INPP5F: variants seen among roughly 807,000 people sequenced by gnomAD.
INPP5F encodes the protein phosphatidylinositide 4-phosphatase SAC2.
In INPP5F, 97 loss-of-function variants were observed where a neutral mutation model predicts 137.2. That is an observed-to-expected ratio of 0.71 (90% CI 0.60 to 0.84). INPP5F has a LOEUF of 0.84. Among genes scored for constraint, INPP5F ranks in the 40% least tolerant of loss-of-function variants. The pLI is 0.00. For missense variants in INPP5F, 1,271 were observed against 1,371.9 expected (o/e 0.93, Z 1.16); for synonymous variants, 504 against 476.9 (o/e 1.06, Z -0.74).
At chr10:119,772,599 T>G (rs775110990) in intron 2 of INPP5F, among the ~76,000 whole-genome samples, 2 of 152,226 alleles carry the variant, frequency 1.3e-5, no homozygotes, top group African/African-American at 4.8e-5. Context: ...CCGAAGGTCC[T>G]TCTGCTCTGA....
chr10:119,774,645 T>C (rs551566417), intron 2 of INPP5F, among the ~76,000 whole-genome samples: 1 of 152,222 alleles, frequency 6.6e-6, no homozygotes, highest in African/African-American at 2.4e-5. Context: ...TTGGAATTAG[T>C]CCCAGAAACT....
intron 6 of INPP5F, among the ~76,000 whole-genome samples, chr10:119,795,671 G>A (rs891398340): frequency 1.3e-5 from 2 of 152,112 alleles, no homozygotes; most frequent in African/African-American, 4.8e-5. Context: ...CTTCCCAGAC[G>A]GGGTGGCGGC....
Position 119,823,822 on chromosome 10 carries a change from T to C in INPP5F, c.2169T>C (p.Leu723=). 3 of 1,613,650 alleles carry C rather than the reference T, an allele frequency of 1.9e-6. No individual in the cohort carries two copies. Among genetic ancestry groups the C allele is most frequent in the Non-Finnish European group, 2.5e-6 (3 of 1,179,718 alleles). Residue 723 remains leucine, a synonymous_variant, in exon 19 of 20, where the codon CTT becomes CTC. Transcript: ENST00000650623. ...RNPEEDGKDT[L]QCIAEMLQIT... ...GTTATATTTGGGTTGCAGATACCCT[T>C]CAGTGCATTGCAGAGATGCTGCAGA...
chr10:119,737,087 C>A (rs555425198), intron 1 of INPP5F, among the ~76,000 whole-genome samples: 2 of 152,106 alleles, frequency 1.3e-5, no homozygotes, highest in South Asian at 2.1e-4. Flanking sequence ...TCTGGGCCCC[C>A]CAAAGTGCTG....
In INPP5F at chr10:119,811,897, C is replaced by T. The variant is rs747133364; in HGVS notation, c.1828C>T (p.Leu610=). 3 of 1,614,076 alleles carry T rather than the reference C, an allele frequency of 1.9e-6. No homozygotes were observed. The highest frequency in any genetic ancestry group is 2.5e-6 in the Non-Finnish European group (3 of 1,180,022). ...SQLLQSYMKL[L]LPDDEKFHGG... is the part of the protein sequence containing the mutation. ...GCTCTTACAAAGTTACATGAAGTTA[C>T]TACTGCCTGATGATGAGAAGTTCCA... Residue 610 remains leucine, a synonymous_variant, in exon 15 of 20, where the codon CTA becomes TTA. Transcript: ENST00000650623.
intron 19 of INPP5F, among the ~76,000 whole-genome samples, chr10:119,826,251 T>C (rs1258270865): frequency 6.6e-6 from 1 of 152,232 alleles, no homozygotes; most frequent in Non-Finnish European, 1.5e-5. Flanking sequence ...AGAATGCGAC[T>C]AGGCTGAATT....
Position 119,798,603 on chromosome 10 carries a change from A to G in INPP5F, c.1109A>G (p.Lys370Arg), listed in dbSNP as rs1487795617. ...AHFEEQLNIY[K>R]KQVIINLVDQ... The stretch of plus-strand genomic sequence containing the variant: ...TTCGAAGAACAACTGAACATTTACA[A>G]AAAACAGGTGGGCTTTGATTTACAG... The change falls in exon 9 of 20, where the codon AAA becomes AGA. Residue 370 changes from lysine to arginine, a missense_variant. Coordinates refer to ENST00000650623, the MANE Select transcript of INPP5F (RefSeq NM_014937.4). 3 of 1,610,316 alleles carry G rather than the reference A, an allele frequency of 1.9e-6. No individual in the cohort carries two copies. The highest frequency in any genetic ancestry group is 1.7e-5 in the Admixed American group (1 of 59,874).
At chr10:119,743,325 G>C (rs1418510625) in intron 1 of INPP5F, among the ~76,000 whole-genome samples, 1 of 152,152 alleles carries the variant, frequency 6.6e-6, no homozygotes, top group Non-Finnish European at 1.5e-5. Flanking sequence ...CCATGCACTG[G>C]GAACAGAAGC....
chr10:119,781,768 A>G lies in INPP5F; in HGVS notation c.312A>G (p.Leu104=). The G allele has an allele frequency of 1.3e-6, 2 of 1,595,616 alleles. No individual in the cohort carries two copies. The highest frequency in any genetic ancestry group is 1.7e-6 in the Non-Finnish European group (2 of 1,167,376). The part of the protein sequence containing the change: ...LSEMEPQDLE[L]ELCKKHHFGI... ...AAATGGAACCTCAGGATCTTGAGCTAGAGGTAGGTGAAATAAAGGGAAATT... is the reference window on the plus strand; with the variant it reads ...AAATGGAACCTCAGGATCTTGAGCTGGAGGTAGGTGAAATAAAGGGAAATT... The change falls in exon 3 of 20, where the codon CTA becomes CTG. Residue 104 remains leucine, a synonymous_variant. Transcript: ENST00000650623.
At chr10:119,729,669 C>T (rs891004759) in intron 1 of INPP5F, among the ~76,000 whole-genome samples, 13 of 151,528 alleles carry the variant, frequency 8.6e-5, no homozygotes, top group African/African-American at 1.9e-4. Context: ...CCCTACCTCC[C>T]GGCACCAAGC....
At chr10:119,772,775 G>T (rs1849404820) in intron 2 of INPP5F, among the ~76,000 whole-genome samples, 1 of 151,294 alleles carries the variant, frequency 6.6e-6, no homozygotes, top group Non-Finnish European at 1.5e-5. Context: ...ATGGAATCTC[G>T]CTCTGTAGCC....
At chr10:119,743,171 A>G (rs1369300780) in intron 1 of INPP5F, among the ~76,000 whole-genome samples, 1 of 152,160 alleles carries the variant, frequency 6.6e-6, no homozygotes, top group Non-Finnish European at 1.5e-5. Flanking sequence ...AATCCTTCCA[A>G]CTTGATTCTG....
intron 1 of INPP5F, among the ~76,000 whole-genome samples, chr10:119,743,685 C>T (rs560041779): frequency 6.2e-4 from 94 of 152,000 alleles, no homozygotes; most frequent in African/African-American, 2.1e-3. Flanking sequence ...AAGGACTAGC[C>T]TATGCAGGGT....
chr10:119,796,676 T>C, intron 6 of INPP5F, 39 bp from the exon 7 acceptor site: 1 of 1,484,386 alleles, frequency 6.7e-7, no homozygotes, highest in East Asian at 2.3e-5. Flanking sequence ...AGCAGTGCTG[T>C]ACAGAATAGA....
chr10:119,815,729 G>T, intron 15 of INPP5F: 1 of 224,156 alleles, frequency 4.5e-6, no homozygotes, highest in South Asian at 7.2e-5. Context: ...AAGAGGAGGA[G>T]GTAGAACACA....
rs1564830119 is a variant in INPP5F, at chr10:119,787,801, G to A, written c.316-3716G>A. Among the ~76,000 whole-genome samples, 1 of 152,168 alleles carries A rather than the reference G, an allele frequency of 6.6e-6. No homozygotes were observed. Among genetic ancestry groups the A allele is most frequent in the Non-Finnish European group, 1.5e-5 (1 of 68,026 alleles). On this transcript the variant is annotated intron_variant, in intron 3 of 19. Coordinates refer to ENST00000650623, the MANE Select transcript of INPP5F (RefSeq NM_014937.4). This position sits in a 1 kb window ranked among gnomAD's most constrained non-coding sequence, Gnocchi z 4.1. ...CAGGTGGGAATTTGGCCCCTACACAGTAAAGAGGACTAACAGGGCTTCATG... is the reference window on the plus strand; with the variant it reads ...CAGGTGGGAATTTGGCCCCTACACAATAAAGAGGACTAACAGGGCTTCATG...
At position 119,792,187 on chromosome 10, in the gene INPP5F, A is replaced by C. The variant is rs1589719452; in HGVS notation, c.643A>C (p.Met215Leu). Residue 215 changes from methionine to leucine, a missense_variant, in exon 6 of 20, where the codon ATG (methionine) becomes CTG (leucine). Transcript: ENST00000650623. ...TGACCGATTTTTTTGGAATAAATAC[A>C]TGATACAAGATCTTACTGAGATTGG... ...VDDRFFWNKY[M>L]IQDLTEIGTP... is the part of the protein sequence containing the mutation. 1.2e-6 allele frequency: 2 copies of C among 1,613,546 alleles called. No homozygotes were observed. Among genetic ancestry groups the C allele is most frequent in the South Asian group, 2.2e-5 (2 of 91,068 alleles).
At chr10:119,821,045 A>T in intron 16 of INPP5F, 128 bp downstream of exon 16, 1 of 643,370 alleles carries the variant, frequency 1.6e-6, no homozygotes, top group Admixed American at 2.7e-5. Flanking sequence ...ACTTCATTGA[A>T]CCCCTTTACC....
chr10:119,770,131 GT>G (rs915900841), intron 2 of INPP5F, among the ~76,000 whole-genome samples: 2 of 151,882 alleles, frequency 1.3e-5, no homozygotes, highest in Admixed American at 6.6e-5. Context: ...TTCCTAATCA[GT>G]TTTTTTTATC....
Sources: allele counts gnomAD v4.1 joint callset (sites outside exome capture counted in the v4.1 genomes callset), GRCh38; gene constraint gnomAD v4.1.1; non-coding constraint Gnocchi (gnomAD v3.1); transcripts MANE v1.5; gene names NCBI Gene and HGNC (gene_info 2026-07-23, HGNC 2026-07-21).